Variants in BCL9 observed in about 807,000 individuals in gnomAD.
BCL9 encodes B-cell CLL/lymphoma 9 protein.
A neutral mutation model predicts 88.5 loss-of-function variants in BCL9; 25 were observed. That is an observed-to-expected ratio of 0.28 (90% confidence interval 0.21 to 0.39). The LOEUF (loss-of-function observed/expected upper bound fraction) is 0.39, where lower values mean the gene tolerates loss of function less well. BCL9 is among the 10% of genes least tolerant of loss of function. The pLI, the probability that BCL9 is intolerant of heterozygous loss-of-function variation, is 1.00. For missense variants in BCL9, 1,817 were observed against 1,877.8 expected, an observed-to-expected ratio of 0.97 and a Z score of 0.60; for synonymous variants, 711 against 673.3, an observed-to-expected ratio of 1.06 and a Z score of -0.87.
chr1:147,613,270 A>C (rs1658105072), intron 5 of BCL9, 71 bp downstream of exon 5: 1 of 1,495,314 alleles, frequency 6.7e-7, no homozygotes, highest in South Asian at 1.1e-5. Flanking sequence ...GACATTCGAC[A>C]GAGGCCAGAG....
At chr1:147,600,556 G>T (rs1442972213) in intron 1 of BCL9, among the ~76,000 whole-genome samples, 1 of 151,968 alleles carries the variant, frequency 6.6e-6, no homozygotes, top group Non-Finnish European at 1.5e-5. Context: ...TGCTTCACGG[G>T]CGGTGGAGAG....
intron 1 of BCL9, among the ~76,000 whole-genome samples, chr1:147,577,680 G>A (rs1444966786): frequency 6.6e-6 from 1 of 152,004 alleles, no homozygotes; most frequent in East Asian, 1.9e-4. Flanking sequence ...TTTCCTTAGT[G>A]GAAAGATAAT....
intron 1 of BCL9, among the ~76,000 whole-genome samples, chr1:147,600,008 G>T (rs1285552095): frequency 6.6e-6 from 1 of 150,944 alleles, no homozygotes; most frequent in Non-Finnish European, 1.5e-5. Context: ...GCGGGACGTC[G>T]GGCCGGTGGG....
chr1:147,580,473 C>A (rs1205433631), intron 1 of BCL9, among the ~76,000 whole-genome samples: 1 of 152,138 alleles, frequency 6.6e-6, no homozygotes, highest in Middle Eastern at 3.2e-3. Flanking sequence ...GAGACTGAGT[C>A]TTCCTATAGG....
At chr1:147,582,988 G>A (rs1553198798) in intron 1 of BCL9, among the ~76,000 whole-genome samples, 1 of 152,156 alleles carries the variant, frequency 6.6e-6, no homozygotes, top group African/African-American at 2.4e-5. Context: ...TATTTACCAA[G>A]TGTTTGCCAC....
At chr1:147,591,472 T>C (rs368667053) in intron 1 of BCL9, among the ~76,000 whole-genome samples, 1 of 152,212 alleles carries the variant, frequency 6.6e-6, no homozygotes, top group Non-Finnish European at 1.5e-5. Flanking sequence ...ATCTGGCTCC[T>C]CAACTGCAAA....
At chr1:147,546,086 CA>C (rs1654571735) in intron 1 of BCL9, among the ~76,000 whole-genome samples, 1 of 152,112 alleles carries the variant, frequency 6.6e-6, no homozygotes, top group South Asian at 2.1e-4. Context: ...CCTGTAATCC[CA>C]GCACTTTGGG....
In BCL9 at chr1:147,544,237, CAT is replaced by C. The variant is rs1265960146; in HGVS notation, c.-478+2565_-478+2566del. Among the ~76,000 whole-genome samples, 3 of 152,118 alleles carry C rather than the reference CAT, an allele frequency of 2.0e-5. No homozygotes were observed. In the South Asian group the frequency reaches 6.2e-4, roughly 32 times the overall value. ...AGCATGCAAGTATTATGACGGAGTG[CAT>C]AGAGTTGCATAAGTTATTGACTCAA... On this transcript the variant is annotated intron_variant, in intron 1 of 9. Transcript: ENST00000234739.
At chr1:147,617,156 A>C (rs1040522803) in intron 7 of BCL9, among the ~76,000 whole-genome samples, 1 of 152,198 alleles carries the variant, frequency 6.6e-6, no homozygotes, top group African/African-American at 2.4e-5. Context: ...ATACAGTTAT[A>C]TTTAAAATGC....
At chr1:147,575,769 A>G (rs1656079839) in intron 1 of BCL9, among the ~76,000 whole-genome samples, 1 of 152,220 alleles carries the variant, frequency 6.6e-6, no homozygotes, top group Non-Finnish European at 1.5e-5. Context: ...TTTTGTGTGC[A>G]TATTCAAATA....
chr1:147,623,018 C>T (rs1317422259), intron 9 of BCL9, among the ~76,000 whole-genome samples: 2 of 150,954 alleles, frequency 1.3e-5, no homozygotes, highest in African/African-American at 2.4e-5. Flanking sequence ...CTTCCCTACA[C>T]ATTCGGTACA....
intron 1 of BCL9, among the ~76,000 whole-genome samples, chr1:147,548,979 C>CTTTTTTTTTTTTTTTTTT (rs72473603): frequency 3.6e-4 from 40 of 111,316 alleles, no homozygotes; most frequent in East Asian, 5.3e-4. Context: ...TTCTTTCTTT[C>CTTTTTTTTTTTTTTTTTT]TTTTTTTTTT....
chr1:147,576,703 A>G (rs1353913306), intron 1 of BCL9, among the ~76,000 whole-genome samples: 1 of 152,152 alleles, frequency 6.6e-6, no homozygotes, highest in Admixed American at 6.5e-5. Flanking sequence ...ATTTATCTCA[A>G]TACCAGCAAT....
Position 147,624,854 on chromosome 1 carries a change from G to A in BCL9, c.4176G>A (p.Gln1392=). The A allele has an allele frequency of 6.2e-7, 1 of 1,614,070 alleles. No homozygotes were observed. Among genetic ancestry groups the A allele is most frequent in the South Asian group, 1.1e-5 (1 of 91,080 alleles). Residue 1392 remains glutamine (Q), a synonymous_variant, in exon 10 of 10, where the codon CAG becomes CAA. Transcript: ENST00000234739. This position sits in a 1 kb window ranked among gnomAD's most constrained non-coding sequence, Gnocchi z 4.4. ...TGCAGGGCATGATGGGACCCCAACA[G>A]AACATCATGATCCCCCCACAGATGA... ...MSMQGMMGPQ[Q]NIMIPPQMRP...
chr1:147,557,446 T>C (rs971150919), intron 1 of BCL9, among the ~76,000 whole-genome samples: 2 of 152,170 alleles, frequency 1.3e-5, no homozygotes, highest in East Asian at 3.9e-4. Flanking sequence ...TGAGCACCAG[T>C]AGAGGAAAGA....
At position 147,611,717 on chromosome 1, in the gene BCL9, G is replaced by C. The variant is rs1658011524; in HGVS notation, c.-120G>C. ...AAGGCATACAGGCAGCGAGCGCTAA[G>C]GGACGCACCCAGCAAGCAGTGGGCC... On this transcript the variant is annotated 5_prime_UTR_variant, in exon 4 of 10. Coordinates refer to ENST00000234739, the MANE Select transcript of BCL9 (RefSeq NM_004326.4). The C allele has an allele frequency of 1.1e-6, 1 of 933,378 alleles. No individual in the cohort carries two copies. The highest frequency in any genetic ancestry group is 1.4e-5 in the South Asian group (1 of 72,032). 57.8% of individuals were successfully genotyped at this position (933,378 alleles called of 1,614,324 possible). A position where few individuals can be genotyped will look rare whatever the true frequency, so the allele number is the denominator to read the frequency against.
intron 1 of BCL9, among the ~76,000 whole-genome samples, chr1:147,549,751 G>A (rs999604387): frequency 3.9e-5 from 6 of 152,152 alleles, no homozygotes; most frequent in African/African-American, 9.7e-5. Context: ...ATCAAGACTC[G>A]GAAACCTTTT....
intron 8 of BCL9, 102 bp downstream of exon 8, chr1:147,621,159 A>AGGCAGTC (rs1658618829): frequency 7.8e-7 from 1 of 1,286,974 alleles, no homozygotes; most frequent in Admixed American, 2.5e-5. Context: ...CAGACAGAGG[A>AGGCAGTC]GGCAGTCTTT....
chr1:147,625,300 T>G lies in BCL9; in HGVS notation c.*341T>G. The G allele has an allele frequency of 3.5e-6, 1 of 286,150 alleles. No homozygotes were observed. The allele number at this position is 286,150 out of a possible 1,614,324, so 17.7% of individuals were successfully genotyped here. On this transcript the variant is annotated 3_prime_UTR_variant, in exon 10 of 10. Transcript: ENST00000234739. Reference sequence around the variant, plus strand: ...ACCGTTCTCTGTATGTTTACGTCCTTTGGACTGGCTTCTCCCAGGATTCTT... The same window carrying G: ...ACCGTTCTCTGTATGTTTACGTCCTGTGGACTGGCTTCTCCCAGGATTCTT...
Sources: gnomAD v4.1 joint callset for allele counts (sites outside exome capture counted in the v4.1 genomes callset) on GRCh38, gnomAD v4.1.1 for gene constraint, Gnocchi (gnomAD v3.1) non-coding constraint, MANE v1.5 for transcripts, NCBI Gene and HGNC (gene_info 2026-07-23, HGNC 2026-07-21) for gene names.